The following RSBN1L variants were observed in gnomAD, a reference collection of about 807,000 sequenced individuals.
RSBN1L encodes the protein lysine-specific demethylase RSBN1L.
In RSBN1L, 30 loss-of-function variants were observed where a neutral mutation model predicts 67.7. The observed-to-expected ratio is 0.44, with a 90% confidence interval of 0.33 to 0.60. The LOEUF is 0.60. Ranked by LOEUF, RSBN1L falls within the 20% of genes least tolerant of loss-of-function variation. RSBN1L has a pLI of 0.02. For synonymous variants in RSBN1L, 433 were observed against 387.0 expected, an observed-to-expected ratio of 1.12 and a Z score of -1.39; for missense variants, 992 against 1,031.7, an observed-to-expected ratio of 0.96 and a Z score of 0.53.
chr7:77,764,431 TTTG>T (rs1261655122), intron 3 of RSBN1L, among the ~76,000 whole-genome samples: 11 of 152,216 alleles, frequency 7.2e-5, no homozygotes, highest in Non-Finnish European at 1.6e-4. Context: ...GTTTTGGCTC[TTTG>T]AATGCCACCC....
At position 77,736,491 on chromosome 7, in the gene RSBN1L, A is replaced by G. The variant is rs781603482; in HGVS notation, c.668A>G (p.Lys223Arg). 6 of 1,306,214 alleles carry G rather than the reference A, an allele frequency of 4.6e-6. No individual in the cohort carries two copies. The highest frequency in any genetic ancestry group is 4.6e-5 in the Admixed American group (2 of 43,070). 80.9% of individuals were successfully genotyped at this position (1,306,214 alleles called of 1,614,324 possible). Residue 223 changes from lysine to arginine, a missense_variant, in exon 2 of 8, where the codon AAG becomes AGG. Lys to Arg is a conservative substitution (Grantham distance 26, BLOSUM62 2). Around this residue, in one of 7 missense-constraint regions of RSBN1L, gnomAD observed 575 missense variants for 483.2 expected, o/e 1.19. Coordinates refer to ENST00000334955, the MANE Select transcript of RSBN1L (RefSeq NM_198467.3). The stretch of plus-strand genomic sequence containing the variant: ...AAACATAAAGTAATGAATGAGATCA[A>G]GAAAGAGAATGGAGAAGTAAAGATT... Reference protein sequence around the residue: ...KKKHKVMNEIKKENGEVKILL... With the variant: ...KKKHKVMNEIRKENGEVKILL...
At position 77,741,230 on chromosome 7, in the gene RSBN1L, A is replaced by G. The variant is rs1041971706; in HGVS notation, c.703+4704A>G. Among the ~76,000 whole-genome samples, 4 of 149,162 alleles carry G rather than the reference A, an allele frequency of 2.7e-5. No individual in the cohort carries two copies. In the East Asian group the frequency reaches 8.1e-4, roughly 30 times the overall value. On this transcript the variant is annotated intron_variant, in intron 2 of 7. Transcript: ENST00000334955. ...TCGAACTCCTGACCTCAAGCAGTCC[A>G]CCCGCCTCAGCCTCCCAAAGTGCTG...
intron 5 of RSBN1L, among the ~76,000 whole-genome samples, chr7:77,769,133 A>T (rs1791812551): frequency 6.6e-6 from 1 of 152,238 alleles, no homozygotes; most frequent in Non-Finnish European, 1.5e-5. Context: ...ATCAGAACAA[A>T]TGGAAAGCCC....
rs1445300907 is a variant in RSBN1L, at chr7:77,782,725, C to G, written c.*3557C>G. On this transcript the variant is annotated 3_prime_UTR_variant, in exon 8 of 8. Transcript: ENST00000334955. ...TCTGTAACTTTTCTCGAGTGGTGGTCATTGAGGGTAGGGAAGATTTTATTT... is the reference window on the plus strand; with the variant it reads ...TCTGTAACTTTTCTCGAGTGGTGGTGATTGAGGGTAGGGAAGATTTTATTT... 1 of 151,532 alleles carries G rather than the reference C, an allele frequency of 6.6e-6. No individual in the cohort carries two copies. The highest frequency in any genetic ancestry group is 1.5e-5 in the Non-Finnish European group (1 of 67,780). The allele number at this position is 151,532 out of a possible 1,614,324, so 9.4% of individuals were successfully genotyped here. A position where few individuals can be genotyped will look rare whatever the true frequency, so the allele number is the denominator to read the frequency against.
chr7:77,776,055 T>A (rs1791910634), intron 6 of RSBN1L, among the ~76,000 whole-genome samples: 1 of 97,172 alleles, frequency 1.0e-5, no homozygotes, highest in African/African-American at 7.0e-5. Context: ...AGACTCCGTC[T>A]CAAAAAAAAA....
chr7:77,776,581 A>G (rs2868814), intron 6 of RSBN1L, among the ~76,000 whole-genome samples: 17,674 of 152,276 alleles, frequency 0.12, 1,554 homozygotes, highest in African/African-American at 0.24. Flanking sequence ...AGGTTATTCC[A>G]TATAGTTTGA....
At chr7:77,733,358 A>G (rs1791294797) in intron 1 of RSBN1L, among the ~76,000 whole-genome samples, 1 of 152,170 alleles carries the variant, frequency 6.6e-6, no homozygotes, top group African/African-American at 2.4e-5. Flanking sequence ...AGGAGGGGTA[A>G]CTGCAATTAC....
chr7:77,696,491 GT>G lies in RSBN1L; in HGVS notation c.23del (p.Val8GlyfsTer49). The G allele has an allele frequency of 6.2e-7, 1 of 1,612,890 alleles. No individual in the cohort carries two copies. The highest frequency in any genetic ancestry group is 8.5e-7 in the Non-Finnish European group (1 of 1,179,482). ...CAAAATGGCGGAACCGCCGAGCCCC[GT>G]GCACTGTGTCGCTGCCGCGGCCCCC... MAEPPSP[V>X]HCVAAAAPTA... On this transcript the variant is annotated frameshift_variant, in exon 1 of 8. Coordinates refer to ENST00000334955, the MANE Select transcript of RSBN1L (RefSeq NM_198467.3). LOFTEE classifies it high-confidence loss of function.
At chr7:77,729,555 G>GTA (rs1166638343) in intron 1 of RSBN1L, among the ~76,000 whole-genome samples, 1 of 152,168 alleles carries the variant, frequency 6.6e-6, no homozygotes. Context: ...CTTAATAGAA[G>GTA]TATATTGGGT....
At chr7:77,737,236 C>T (rs773188586) in intron 2 of RSBN1L, among the ~76,000 whole-genome samples, 4 of 152,264 alleles carry the variant, frequency 2.6e-5, no homozygotes, top group Middle Eastern at 3.4e-3. Flanking sequence ...CCGTGGCATT[C>T]GGTTGCTAGA....
intron 2 of RSBN1L, among the ~76,000 whole-genome samples, chr7:77,743,533 T>C (rs1470763145): frequency 6.6e-6 from 1 of 151,886 alleles, no homozygotes; most frequent in Non-Finnish European, 1.5e-5. Flanking sequence ...GTTCCTGTTA[T>C]AGTACCTTTT....
chr7:77,741,444 C>T (rs1235698033), intron 2 of RSBN1L, among the ~76,000 whole-genome samples: 1 of 151,900 alleles, frequency 6.6e-6, no homozygotes, highest in Non-Finnish European at 1.5e-5. Flanking sequence ...GTAATCCCAG[C>T]ATTTTGGGAG....
chr7:77,764,153 C>A (rs1020525159), intron 3 of RSBN1L, among the ~76,000 whole-genome samples: 5 of 152,148 alleles, frequency 3.3e-5, no homozygotes, highest in Non-Finnish European at 7.4e-5. Flanking sequence ...GCCTGAAATA[C>A]AAGACTTTCA....
chr7:77,760,622 T>A (rs1029062186), intron 3 of RSBN1L, among the ~76,000 whole-genome samples: 1 of 152,178 alleles, frequency 6.6e-6, no homozygotes, highest in Non-Finnish European at 1.5e-5. Flanking sequence ...TATTCTATTA[T>A]TATTTTTTAT....
At chr7:77,757,987 T>C (rs1791641973) in intron 3 of RSBN1L, among the ~76,000 whole-genome samples, 2 of 149,016 alleles carry the variant, frequency 1.3e-5, no homozygotes, top group Admixed American at 1.3e-4. Flanking sequence ...TTTTTTCTTG[T>C]GACAGAGTCT....
At position 77,749,786 on chromosome 7, in the gene RSBN1L, A is replaced by G; in HGVS notation, c.1066A>G (p.Asn356Asp). The change falls in exon 3 of 8, where the codon AAT (asparagine) becomes GAT (aspartate). Residue 356 changes from asparagine (N) to aspartate (D), a missense_variant. Coordinates refer to ENST00000334955, the MANE Select transcript of RSBN1L (RefSeq NM_198467.3). Reference sequence around the variant, plus strand: ...ACTCATTCATATAGAGCACCAGCCTAATGGAGGTGCATCGGTTATCCATGC... The same window carrying G: ...ACTCATTCATATAGAGCACCAGCCTGATGGAGGTGCATCGGTTATCCATGC... ...KQLIHIEHQP[N>D]GGASVIHAYS... The G allele has an allele frequency of 6.2e-7, 1 of 1,614,116 alleles. No individual in the cohort carries two copies. Among genetic ancestry groups the G allele is most frequent in the Non-Finnish European group, 8.5e-7 (1 of 1,179,962 alleles).
At chr7:77,711,055 A>G (rs900899735) in intron 1 of RSBN1L, among the ~76,000 whole-genome samples, 6 of 152,184 alleles carry the variant, frequency 3.9e-5, no homozygotes, top group African/African-American at 1.4e-4. Context: ...TTGCCTGCTC[A>G]GAAGAGATGC....
chr7:77,744,455 G>A (rs961374761), intron 2 of RSBN1L, among the ~76,000 whole-genome samples: 4 of 152,258 alleles, frequency 2.6e-5, no homozygotes, highest in Middle Eastern at 6.8e-3. Context: ...TTATTCAAGT[G>A]TGTGTCTTAG....
At chr7:77,735,844 C>G (rs1366959589) in intron 1 of RSBN1L, among the ~76,000 whole-genome samples, 1 of 152,136 alleles carries the variant, frequency 6.6e-6, no homozygotes, top group African/African-American at 2.4e-5. Flanking sequence ...TTAAATATCA[C>G]AGTATCACCA....
Sources: allele counts gnomAD v4.1 joint callset (sites outside exome capture counted in the v4.1 genomes callset), GRCh38; gene constraint gnomAD v4.1.1; regional missense constraint gnomAD v4.1.1; transcripts MANE v1.5; gene names NCBI Gene and HGNC (gene_info 2026-07-23, HGNC 2026-07-21).